The following MARCO variants were observed in gnomAD, a reference collection of about 807,000 sequenced individuals.
MARCO encodes the protein macrophage receptor with collagenous structure.
Under a neutral mutation model 70.0 loss-of-function variants are expected in MARCO, and 72 were observed. The ratio of observed to expected loss-of-function variants is 1.03; its 90% confidence interval spans 0.85 to 1.25. MARCO has a LOEUF of 1.25. Among genes scored for constraint, MARCO ranks in the 50% most tolerant of loss-of-function variants. The pLI, the probability that MARCO is intolerant of heterozygous loss-of-function variation, is 0.00. For missense variants in MARCO, 696 were observed against 659.3 expected (o/e 1.06, Z -0.61); for synonymous variants, 273 against 243.1 (o/e 1.12, Z -1.14).
At chr2:118,963,854 T>C (rs1260700470) in intron 1 of MARCO, among the ~76,000 whole-genome samples, 1 of 152,206 alleles carries the variant, frequency 6.6e-6, no homozygotes, top group Non-Finnish European at 1.5e-5. Flanking sequence ...ATACCGAAAG[T>C]AATTATTGAT....
intron 12 of MARCO, among the ~76,000 whole-genome samples, chr2:118,986,652 A>AGAAAGAAGGAAGGAAG: frequency 2.1e-5 from 1 of 48,434 alleles, no homozygotes; most frequent in African/African-American, 1.2e-4. Flanking sequence ...AAAGAAAGAA[A>AGAAAGAAGGAAGGAAG]GAAGGAAGGA....
At chr2:118,986,571 A>G (rs1216902865) in intron 12 of MARCO, among the ~76,000 whole-genome samples, 3 of 107,336 alleles carry the variant, frequency 2.8e-5, no homozygotes, top group Non-Finnish European at 5.2e-5. Flanking sequence ...GGAGGGAGGG[A>G]GGGAGGGAAG....
chr2:118,986,867 T>C (rs1056236748), intron 12 of MARCO, among the ~76,000 whole-genome samples: 14 of 152,142 alleles, frequency 9.2e-5, no homozygotes, highest in African/African-American at 2.9e-4. Context: ...TCAGGAGATC[T>C]GAGCCTCAGC....
At chr2:118,958,219 T>G (rs35601641) in intron 1 of MARCO, among the ~76,000 whole-genome samples, 6,711 of 152,084 alleles carry the variant, frequency 0.044, 511 homozygotes, top group African/African-American at 0.15. Flanking sequence ...TGTCCCTTTT[T>G]GCTGATGATA....
chr2:118,951,845 CTCTG>C (rs1679728107), intron 1 of MARCO, among the ~76,000 whole-genome samples: 1 of 152,058 alleles, frequency 6.6e-6, no homozygotes, highest in Non-Finnish European at 1.5e-5. Flanking sequence ...CTCTTTATCT[CTCTG>C]TCTCTTTCTC....
At chr2:118,972,056 C>T (rs1197066593) in intron 4 of MARCO, among the ~76,000 whole-genome samples, 4 of 152,158 alleles carry the variant, frequency 2.6e-5, no homozygotes, top group African/African-American at 7.2e-5. Flanking sequence ...GACTCTGGGT[C>T]AGTTACTTAA....
In MARCO at chr2:118,992,316, C is replaced by T. The variant is rs1680638105; in HGVS notation, c.1208-116C>T. 11 of 776,482 alleles carry T rather than the reference C, an allele frequency of 1.4e-5. 2 individuals are homozygous for T. In the Admixed American group the frequency reaches 2.1e-4, roughly 15 times the overall value. 48.1% of individuals were successfully genotyped at this position (776,482 alleles called of 1,614,324 possible). A position where few individuals can be genotyped will look rare whatever the true frequency, so the allele number is the denominator to read the frequency against. On this transcript the variant is annotated intron_variant, in intron 14 of 16. Transcript: ENST00000327097. ...CCATAATGCCAGGCCACAGGCGAGA[C>T]CCACGGAGCATCTGACCACTCCCAA... is the stretch of plus-strand genomic sequence containing the variant.
intron 8 of MARCO, among the ~76,000 whole-genome samples, chr2:118,978,950 C>A (rs1680338903): frequency 6.6e-6 from 1 of 152,178 alleles, no homozygotes; most frequent in Non-Finnish European, 1.5e-5. Context: ...GGCTCACTAA[C>A]TGTGTGACCT....
At chr2:118,960,891 A>T (rs189912214) in intron 1 of MARCO, among the ~76,000 whole-genome samples, 238 of 151,434 alleles carry the variant, frequency 1.6e-3, no homozygotes, top group African/African-American at 5.6e-3. Flanking sequence ...CTCTCCCTAT[A>T]CCCCCACCCC....
chr2:118,967,423 C>G lies in MARCO; in HGVS notation c.98-1737C>G, dbSNP rs534250062. 1.4e-3 allele frequency among the ~76,000 whole-genome samples: 217 copies of G among 152,232 alleles called. 1 individual carries two copies. The highest frequency in any genetic ancestry group is 5.0e-3 in the African/African-American group (208 of 41,532). On this transcript the variant is annotated intron_variant, in intron 1 of 16. Transcript: ENST00000327097. ...GCCATAGGAGAGCTGGCCAGACGGG[C>G]TTCAGGTGCCAGGTTGGGAGCAGTG...
intron 4 of MARCO, among the ~76,000 whole-genome samples, chr2:118,971,921 C>T (rs1487009336): frequency 1.3e-5 from 2 of 152,210 alleles, no homozygotes; most frequent in Non-Finnish European, 2.9e-5. Flanking sequence ...GTGCTCATTT[C>T]CATGGTGTCT....
rs2104614034 is a variant in MARCO at position 118,991,811 on chromosome 2, A to G, written c.1143A>G (p.Pro381=). The G allele has an allele frequency of 6.3e-7, 1 of 1,598,802 alleles. No individual in the cohort carries two copies. Residue 381 remains proline (P), a synonymous_variant, in exon 14 of 17, where the codon CCA becomes CCG. Coordinates refer to ENST00000327097, the MANE Select transcript of MARCO (RefSeq NM_006770.4). ...PAGVKGEQGS[P]GLAGPKGAPG... is the part of the protein sequence containing the mutation. ...GTGTGAAGGGAGAACAGGGGAGCCC[A>G]GGGCTGGCAGGTCCCAAGGGAGCCC... is the stretch of plus-strand genomic sequence containing the variant.
chr2:118,988,505 G>A (rs977337635), intron 12 of MARCO, among the ~76,000 whole-genome samples: 1 of 151,882 alleles, frequency 6.6e-6, no homozygotes, highest in Non-Finnish European at 1.5e-5. Flanking sequence ...CAGACTCTTG[G>A]CCCCTTCTAT....
intron 16 of MARCO, among the ~76,000 whole-genome samples, chr2:118,993,687 CTG>C (rs1055764016): frequency 6.6e-6 from 1 of 152,310 alleles, no homozygotes; most frequent in Admixed American, 6.5e-5. Context: ...CTCCAGCTGT[CTG>C]TGAACCAGCA....
At chr2:118,946,559 A>C (rs902094479) in intron 1 of MARCO, among the ~76,000 whole-genome samples, 2 of 152,186 alleles carry the variant, frequency 1.3e-5, no homozygotes, top group African/African-American at 4.8e-5. Flanking sequence ...AAGATTGTTT[A>C]ACATTCACCC....
chr2:118,977,832 C>T lies in MARCO; in HGVS notation c.663C>T (p.Thr221=), dbSNP rs946636261. 2 of 1,611,056 alleles carry T rather than the reference C, an allele frequency of 1.2e-6. No individual in the cohort carries two copies. Among genetic ancestry groups the T allele is most frequent in the East Asian group, 4.5e-5 (2 of 44,754 alleles). Residue 221 remains threonine, a synonymous_variant, in exon 8 of 17, where the codon ACC becomes ACT. Coordinates refer to ENST00000327097, the MANE Select transcript of MARCO (RefSeq NM_006770.4). ...CACCAGCCATTCTCTTTGCAGGCACCCCAGGACCCCAAGGAGAGAAGGGCA... is the reference window on the plus strand; with the variant it reads ...CACCAGCCATTCTCTTTGCAGGCACTCCAGGACCCCAAGGAGAGAAGGGCA... The part of the protein sequence containing the change: ...GAPGKQGATG[T]PGPQGEKGSK...
chr2:118,990,701 G>A, intron 13 of MARCO, 68 bp downstream of exon 13: 1 of 1,496,126 alleles, frequency 6.7e-7, no homozygotes, highest in Non-Finnish European at 9.3e-7. Flanking sequence ...TCAGAGGGCA[G>A]GTCTTGTTGA....
chr2:118,968,644 T>C (rs960176206), intron 1 of MARCO, among the ~76,000 whole-genome samples: 2 of 152,178 alleles, frequency 1.3e-5, no homozygotes, highest in African/African-American at 4.8e-5. Context: ...ATATCAAGCA[T>C]GTTTTACTTT....
At position 118,958,924 on chromosome 2, in the gene MARCO, G is replaced by T. The variant is rs531096264; in HGVS notation, c.98-10236G>T. On this transcript the variant is annotated intron_variant, in intron 1 of 16. Coordinates refer to ENST00000327097, the MANE Select transcript of MARCO (RefSeq NM_006770.4). ...TTCAACAAATGGTGCTGGGATAATT[G>T]GCTAGCCACATATAGGAGAATGAAA... Among the ~76,000 whole-genome samples, 19 of 152,232 alleles carry T rather than the reference G, an allele frequency of 1.2e-4. No homozygotes were observed. The South Asian group carries it at 3.3e-3, about 27-fold the overall frequency.
Sources: gnomAD v4.1 joint callset for allele counts (sites outside exome capture counted in the v4.1 genomes callset) on GRCh38, gnomAD v4.1.1 for gene constraint, MANE v1.5 for transcripts, NCBI Gene and HGNC (gene_info 2026-07-23, HGNC 2026-07-21) for gene names.